NTM: variants seen among roughly 807,000 people sequenced by gnomAD.
The protein encoded by NTM is IgLON family member 2.
A neutral mutation model predicts 42.1 loss-of-function variants in NTM; 13 were observed. That is an observed-to-expected ratio of 0.31 (90% CI 0.20 to 0.49). The LOEUF is 0.49. NTM is among the 20% of genes least tolerant of loss of function. NTM has a pLI of 0.99. For synonymous variants in NTM, 187 were observed against 179.2 expected (o/e 1.04, Z -0.35); for missense variants, 373 against 452.8 (o/e 0.82, Z 1.60).
At chr11:131,412,000 C>T (rs1946475557) in intron 1 of NTM, among the ~76,000 whole-genome samples, 1 of 152,180 alleles carries the variant, frequency 6.6e-6, no homozygotes, top group Non-Finnish European at 1.5e-5. Context: ...GATTCCTGGA[C>T]CCAGACCTAC....
intron 7 of NTM, among the ~76,000 whole-genome samples, chr11:132,328,141 G>A (rs2095722114): frequency 6.6e-6 from 1 of 152,170 alleles, no homozygotes; most frequent in African/African-American, 2.4e-5. Context: ...ACAGAGGACA[G>A]TGCCAGCATG....
chr11:131,889,946 C>G (rs2051006716), intron 1 of NTM, among the ~76,000 whole-genome samples: 1 of 152,094 alleles, frequency 6.6e-6, no homozygotes, highest in Non-Finnish European at 1.5e-5. Context: ...ATGCATTTAG[C>G]TCCTTTCCCA....
intron 1 of NTM, among the ~76,000 whole-genome samples, chr11:131,904,943 C>T (rs936657143): frequency 1.4e-4 from 21 of 152,130 alleles, no homozygotes; most frequent in African/African-American, 5.1e-4. Context: ...CTGCTCTGTC[C>T]GCCTTATGCT....
rs183792003 is a variant in NTM, at chr11:131,873,826, G to C, written c.83-37738G>C. On this transcript the variant is annotated intron_variant, in intron 1 of 8. Transcript: ENST00000683400. Reference sequence around the variant, plus strand: ...CTCCCCTTGCCCCCATCCCCCAACAGGCCCCAGTGTGTGATATTCCCCACC... The same window carrying C: ...CTCCCCTTGCCCCCATCCCCCAACACGCCCCAGTGTGTGATATTCCCCACC... 4.5e-3 allele frequency among the ~76,000 whole-genome samples: 633 copies of C among 141,338 alleles called. 10 individuals carry two copies. Among genetic ancestry groups the C allele is most frequent in the Non-Finnish European group, 4.6e-3 (306 of 66,198 alleles). 92.7% of individuals were successfully genotyped at this position (141,338 alleles called of 152,430 possible).
rs189968259 is a variant in NTM at position 131,669,390 on chromosome 11, T to A, written c.83-242174T>A. Among the ~76,000 whole-genome samples the A allele has an allele frequency of 2.0e-5, 3 of 152,306 alleles. No homozygotes were observed. The East Asian group carries it at 5.8e-4, about 29-fold the overall frequency. On this transcript the variant is annotated intron_variant, in intron 1 of 8. Coordinates refer to ENST00000683400, the MANE Select transcript of NTM (RefSeq NM_001352005.2). ...TGAGAACTGGTGGCTACCAGAAGCA[T>A]CTGTTTAAGGAGGTTTTTATGAGCA...
chr11:131,839,834 G>T (rs918091533), intron 1 of NTM, among the ~76,000 whole-genome samples: 1 of 152,252 alleles, frequency 6.6e-6, no homozygotes, highest in Non-Finnish European at 1.5e-5. Context: ...GCCCAGGCCA[G>T]GGTGGTAGCA....
chr11:132,044,382 T>C (rs2077690045), intron 2 of NTM, among the ~76,000 whole-genome samples: 1 of 152,090 alleles, frequency 6.6e-6, no homozygotes, highest in South Asian at 2.1e-4. Context: ...TACCTGGAAA[T>C]CAGAGTCAGT....
In NTM at chr11:132,227,925, C is replaced by T. The variant is rs376820464; in HGVS notation, c.526+15778C>T. On this transcript the variant is annotated intron_variant, in intron 4 of 8. Transcript: ENST00000683400. ...ACACAGAACGATTTCTGCTCATCCC[C>T]AGTCCCTCCCCAAGGACCAAGGCAG... 5.9e-5 allele frequency among the ~76,000 whole-genome samples: 9 copies of T among 152,294 alleles called. No individual in the cohort carries two copies. The East Asian group carries it at 1.7e-3, about 29-fold the overall frequency.
intron 1 of NTM, among the ~76,000 whole-genome samples, chr11:131,726,901 C>A (rs772780564): frequency 1.3e-5 from 2 of 151,238 alleles, no homozygotes; most frequent in Non-Finnish European, 2.9e-5. Context: ...AGAGACGGGG[C>A]TGGTCGTCAA....
At chr11:131,450,665 A>G (rs1950414715) in intron 1 of NTM, among the ~76,000 whole-genome samples, 1 of 152,162 alleles carries the variant, frequency 6.6e-6, no homozygotes, top group African/African-American at 2.4e-5. Flanking sequence ...TCTCAGTTAC[A>G]TCTTTTATTT....
intron 2 of NTM, among the ~76,000 whole-genome samples, chr11:132,076,213 C>T (rs986014107): frequency 2.0e-5 from 3 of 152,140 alleles, no homozygotes; most frequent in Non-Finnish European, 2.9e-5. Context: ...CAAACTTTTT[C>T]TGTCAAGGGA....
At chr11:132,313,462 A>C (rs982469861) in intron 6 of NTM, among the ~76,000 whole-genome samples, 1 of 150,592 alleles carries the variant, frequency 6.6e-6, no homozygotes, top group Non-Finnish European at 1.5e-5. Context: ...TCCTTCATCA[A>C]GAAGGGGTTT....
chr11:131,686,282 C>G (rs1206806357), intron 1 of NTM, among the ~76,000 whole-genome samples: 2 of 152,196 alleles, frequency 1.3e-5, no homozygotes, highest in African/African-American at 4.8e-5. Context: ...AAATTTAAGT[C>G]CTAATAATTT....
At chr11:132,249,760 A>G (rs1039113139) in intron 4 of NTM, among the ~76,000 whole-genome samples, 3 of 152,214 alleles carry the variant, frequency 2.0e-5, no homozygotes, top group Non-Finnish European at 4.4e-5. Flanking sequence ...CCAGCCAGGC[A>G]CTTTCTCTCG....
At chr11:131,551,443 T>G (rs147288258) in intron 1 of NTM, among the ~76,000 whole-genome samples, 50 of 149,384 alleles carry the variant, frequency 3.3e-4, no homozygotes, top group African/African-American at 9.3e-4. Flanking sequence ...AAACGCACGA[T>G]TGCAATGAAC....
At chr11:132,091,477 C>T (rs988584035) in intron 2 of NTM, among the ~76,000 whole-genome samples, 3 of 151,952 alleles carry the variant, frequency 2.0e-5, no homozygotes, top group African/African-American at 7.2e-5. Flanking sequence ...AATTTTAACA[C>T]ATACCACATA....
intron 3 of NTM, among the ~76,000 whole-genome samples, chr11:132,163,249 C>G (rs933852707): frequency 5.9e-5 from 9 of 152,304 alleles, no homozygotes; most frequent in South Asian, 2.1e-4. Context: ...GCCCAGAGGC[C>G]TCTTCTGCTC....
chr11:132,293,514 T>C (rs1449129286), intron 4 of NTM, among the ~76,000 whole-genome samples: 1 of 152,056 alleles, frequency 6.6e-6, no homozygotes, highest in Non-Finnish European at 1.5e-5. Flanking sequence ...GGGGAGGATG[T>C]GGAGTGCAGT....
chr11:132,239,833 G>A (rs2089844218), intron 4 of NTM, among the ~76,000 whole-genome samples: 2 of 152,146 alleles, frequency 1.3e-5, no homozygotes, highest in Non-Finnish European at 2.9e-5. Context: ...CACAATTAAA[G>A]GAAAAGGACA....
Sources: allele counts gnomAD v4.1 joint callset (sites outside exome capture counted in the v4.1 genomes callset), GRCh38; gene constraint gnomAD v4.1.1; transcripts MANE v1.5; gene names NCBI Gene and HGNC (gene_info 2026-07-23, HGNC 2026-07-21).